Variants in DPP10 observed in about 807,000 individuals in gnomAD.
The protein encoded by DPP10 is inactive dipeptidyl peptidase 10.
In DPP10, 33 loss-of-function variants were observed where a neutral mutation model predicts 120.9. The ratio of observed to expected loss-of-function variants is 0.27; its 90% CI spans 0.21 to 0.37. DPP10 has a LOEUF of 0.37. DPP10 is among the 10% of genes least tolerant of loss of function. The pLI, the probability that DPP10 is intolerant of heterozygous loss-of-function variation, is 1.00. For synonymous variants in DPP10, 337 were observed against 326.1 expected (o/e 1.03, Z -0.36); for missense variants, 816 against 942.8 (o/e 0.87, Z 1.76).
intron 1 of DPP10, among the ~76,000 whole-genome samples, chr2:115,139,964 A>G (rs1177497766): frequency 1.3e-5 from 2 of 152,118 alleles, no homozygotes; most frequent in African/African-American, 2.4e-5. Context: ...TGACAGACAC[A>G]TGTTCATTCT....
intron 1 of DPP10, among the ~76,000 whole-genome samples, chr2:114,491,736 GT>G (rs1682022520): frequency 6.6e-6 from 1 of 152,160 alleles, no homozygotes; most frequent in Non-Finnish European, 1.5e-5. Flanking sequence ...TACATGTCAG[GT>G]AAGTTCTAGA....
intron 3 of DPP10, among the ~76,000 whole-genome samples, chr2:115,410,437 A>G (rs1170241543): frequency 6.6e-6 from 1 of 152,168 alleles, no homozygotes; most frequent in African/African-American, 2.4e-5. Flanking sequence ...ATAAGAACAC[A>G]TGGACACAGG....
intron 1 of DPP10, among the ~76,000 whole-genome samples, chr2:114,782,268 G>A (rs1458392946): frequency 6.6e-6 from 1 of 151,696 alleles, no homozygotes; most frequent in East Asian, 1.9e-4. Flanking sequence ...TAAACAAGTT[G>A]CTGAATGAAG....
At chr2:114,510,617 A>C (rs1684061032) in intron 1 of DPP10, among the ~76,000 whole-genome samples, 1 of 152,156 alleles carries the variant, frequency 6.6e-6, no homozygotes, top group African/African-American at 2.4e-5. Flanking sequence ...AAACAAAACA[A>C]AAAAACAAAA....
chr2:114,471,198 T>C (rs9308695), intron 1 of DPP10, among the ~76,000 whole-genome samples: 15,437 of 152,236 alleles, frequency 0.1, 2,598 homozygotes, highest in African/African-American at 0.35. Context: ...AAAAATATGA[T>C]GCTGGCAATA....
intron 1 of DPP10, among the ~76,000 whole-genome samples, chr2:114,513,646 A>AG (rs1245016549): frequency 6.6e-6 from 1 of 150,630 alleles, no homozygotes; most frequent in Non-Finnish European, 1.5e-5. Flanking sequence ...AAAGAAAGAA[A>AG]GAAGAAACAG....
At chr2:114,606,182 C>G (rs528251203) in intron 1 of DPP10, among the ~76,000 whole-genome samples, 29 of 152,210 alleles carry the variant, frequency 1.9e-4, no homozygotes, top group Non-Finnish European at 3.5e-4. Flanking sequence ...AACATGGGTT[C>G]CATGATCTAT....
chr2:114,783,608 G>T (rs1682516817), intron 1 of DPP10, among the ~76,000 whole-genome samples: 1 of 152,070 alleles, frequency 6.6e-6, no homozygotes, highest in African/African-American at 2.4e-5. Context: ...AGGCCAAGAA[G>T]GGCAGATCAT....
chr2:114,927,609 G>C (rs192883096), intron 1 of DPP10, among the ~76,000 whole-genome samples: 80 of 152,264 alleles, frequency 5.3e-4, no homozygotes, highest in African/African-American at 1.8e-3. Context: ...GTGAGCAGCA[G>C]GATGACTTTG....
At position 115,791,364 on chromosome 2, in the gene DPP10, TTTTA is replaced by T. The variant is rs771368791; in HGVS notation, c.1700+12_1700+15del. 5 of 1,575,342 alleles carry T rather than the reference TTTTA, an allele frequency of 3.2e-6. No homozygotes were observed. The highest frequency in any genetic ancestry group is 2.7e-5 in the African/African-American group (2 of 72,730). ...TGCTCTTCTGTTAATAATGTAAGTA[TTTTA>T]TTTGTTTTTAAAATAAAGGAATCTA... On this transcript the variant is annotated intron_variant, in intron 19 of 25. Coordinates refer to ENST00000410059, the MANE Select transcript of DPP10 (RefSeq NM_020868.6).
At chr2:114,910,134 C>A (rs1206430827) in intron 1 of DPP10, among the ~76,000 whole-genome samples, 1 of 151,484 alleles carries the variant, frequency 6.6e-6, no homozygotes, top group Non-Finnish European at 1.5e-5. Flanking sequence ...GGCCTTCCTG[C>A]ATAAATAAAT....
chr2:115,194,179 C>T (rs1005562169), intron 1 of DPP10, among the ~76,000 whole-genome samples: 5 of 152,030 alleles, frequency 3.3e-5, no homozygotes, highest in Non-Finnish European at 7.4e-5. Flanking sequence ...TTGCTGCTAC[C>T]GATTGAATGC....
intron 1 of DPP10, among the ~76,000 whole-genome samples, chr2:115,160,309 G>T (rs1407143523): frequency 1.3e-5 from 2 of 152,186 alleles, no homozygotes; most frequent in Non-Finnish European, 2.9e-5. Context: ...TTCTGCTGGT[G>T]ATTACTGATA....
intron 1 of DPP10, among the ~76,000 whole-genome samples, chr2:115,185,275 G>A (rs897074599): frequency 4.7e-5 from 7 of 149,948 alleles, no homozygotes; most frequent in African/African-American, 1.5e-4. Flanking sequence ...TAGACTATAC[G>A]CATACAATAT....
intron 1 of DPP10, among the ~76,000 whole-genome samples, chr2:115,091,987 C>A (rs993317595): frequency 6.6e-6 from 1 of 152,146 alleles, no homozygotes; most frequent in Non-Finnish European, 1.5e-5. Flanking sequence ...ATAACCATTG[C>A]GGCCTACTGA....
chr2:115,230,513 T>A (rs1223144862), intron 1 of DPP10, among the ~76,000 whole-genome samples: 1 of 152,066 alleles, frequency 6.6e-6, no homozygotes, highest in Non-Finnish European at 1.5e-5. Context: ...TTTTAACTAG[T>A]TGCTGTTGTA....
chr2:115,811,503 G>T (rs918297774), intron 19 of DPP10, among the ~76,000 whole-genome samples: 3 of 152,080 alleles, frequency 2.0e-5, no homozygotes, highest in African/African-American at 7.2e-5. Flanking sequence ...TAATTTACTT[G>T]CCTGCCATAA....
chr2:114,562,728 A>AG (rs1688868049), intron 1 of DPP10, among the ~76,000 whole-genome samples: 1 of 152,224 alleles, frequency 6.6e-6, no homozygotes, highest in Non-Finnish European at 1.5e-5. Context: ...AGATGAATTA[A>AG]GTATTAAAAT....
chr2:115,705,797 T>C (rs2092078957), intron 7 of DPP10, among the ~76,000 whole-genome samples: 1 of 151,906 alleles, frequency 6.6e-6, no homozygotes, highest in South Asian at 2.1e-4. Context: ...GTTCCTGCTT[T>C]TAGTTGCAGG....
Sources: allele counts gnomAD v4.1 joint callset (sites outside exome capture counted in the v4.1 genomes callset), GRCh38; gene constraint gnomAD v4.1.1; transcripts MANE v1.5; gene names NCBI Gene and HGNC (gene_info 2026-07-23, HGNC 2026-07-21).